SPMIP2: variants seen among roughly 807,000 people sequenced by gnomAD.
SPMIP2 encodes sperm microtubule inner protein 2.
At chr4:158,896,306 C>T in the SPMIP2 span, among the ~76,000 whole-genome samples, 3 of 152,120 alleles carry the variant, frequency 2.0e-5, no homozygotes, top group East Asian at 5.8e-4. Context: ...AGGAGCCTGC[C>T]TGCGTGTCTG....
chr4:159,073,686 T>C, the SPMIP2 span, among the ~76,000 whole-genome samples: 1 of 152,130 alleles, frequency 6.6e-6, no homozygotes, highest in Non-Finnish European at 1.5e-5. Context: ...ACTAGAAATA[T>C]GTCCAAAATA....
At chr4:158,968,878 C>A in the SPMIP2 span, among the ~76,000 whole-genome samples, 2 of 152,230 alleles carry the variant, frequency 1.3e-5, no homozygotes, top group South Asian at 2.1e-4. Flanking sequence ...AAAACCGTCA[C>A]AAAGAAGCTC....
chr4:159,076,353 A>G, the SPMIP2 span, among the ~76,000 whole-genome samples: 1 of 152,316 alleles, frequency 6.6e-6, no homozygotes, highest in Non-Finnish European at 1.5e-5. Context: ...AGCAAGCTAT[A>G]ATTAATTTCA....
chr4:159,006,992 G>A, the SPMIP2 span: 1 of 390,942 alleles, frequency 2.6e-6, no homozygotes, highest in Non-Finnish European at 4.9e-6. Context: ...TCCCTAGAAT[G>A]CCAGTGTTGT....
chr4:158,894,739 G>A, the SPMIP2 span, among the ~76,000 whole-genome samples: 1 of 152,110 alleles, frequency 6.6e-6, no homozygotes, highest in Non-Finnish European at 1.5e-5. Flanking sequence ...ATTTCCATGA[G>A]AATTGGTGAA....
the SPMIP2 span, among the ~76,000 whole-genome samples, chr4:158,951,503 GCTC>G: frequency 2.6e-5 from 4 of 152,180 alleles, no homozygotes; most frequent in African/African-American, 7.2e-5. Flanking sequence ...TCTATATGCA[GCTC>G]CTCATTAAGC....
chr4:159,032,524 T>C, the SPMIP2 span, among the ~76,000 whole-genome samples: 1 of 152,166 alleles, frequency 6.6e-6, no homozygotes, highest in Non-Finnish European at 1.5e-5. Context: ...TTGAACTATG[T>C]AAATACATAA....
the SPMIP2 span, among the ~76,000 whole-genome samples, chr4:158,982,582 C>T: frequency 6.6e-6 from 1 of 152,156 alleles, no homozygotes; most frequent in Non-Finnish European, 1.5e-5. Flanking sequence ...CTCAAAACCG[C>T]ACAACTACCT....
the SPMIP2 span, among the ~76,000 whole-genome samples, chr4:158,929,961 C>G: frequency 6.6e-6 from 1 of 152,102 alleles, no homozygotes; most frequent in African/African-American, 2.4e-5. Context: ...TCTTGCAGGG[C>G]AGGTCTGCTA....
At chr4:159,080,588 T>C in the SPMIP2 span, among the ~76,000 whole-genome samples, 3 of 152,194 alleles carry the variant, frequency 2.0e-5, no homozygotes, top group South Asian at 2.1e-4. Context: ...AAAGCAGCGA[T>C]TCCCCATTAT....
At chr4:158,939,875 A>C in the SPMIP2 span, among the ~76,000 whole-genome samples, 5 of 152,170 alleles carry the variant, frequency 3.3e-5, no homozygotes, top group African/African-American at 1.2e-4. Flanking sequence ...TATTCTATAA[A>C]ATTTTTCACA....
At chr4:158,949,266 A>G in the SPMIP2 span, among the ~76,000 whole-genome samples, 3 of 152,180 alleles carry the variant, frequency 2.0e-5, no homozygotes, top group South Asian at 2.1e-4. Context: ...AGTTTATCCT[A>G]TTGTCCTGGT....
At chr4:158,971,499 A>G in the SPMIP2 span, among the ~76,000 whole-genome samples, 1 of 152,200 alleles carries the variant, frequency 6.6e-6, no homozygotes, top group Non-Finnish European at 1.5e-5. Context: ...GCATTTAAAC[A>G]TATTACAATA....
chr4:158,989,400 CA>C, the SPMIP2 span, among the ~76,000 whole-genome samples: 1 of 151,888 alleles, frequency 6.6e-6, no homozygotes, highest in Non-Finnish European at 1.5e-5. Flanking sequence ...CATATGAAAC[CA>C]AAAAAGAGCC....
At chr4:159,035,224 G>T in the SPMIP2 span, 521 of 690,194 alleles carry the variant, frequency 7.5e-4, no homozygotes, top group South Asian at 1.9e-3. Flanking sequence ...CCAGGTGGTT[G>T]CTAATGACTC....
the SPMIP2 span, among the ~76,000 whole-genome samples, chr4:159,048,502 A>C: frequency 6.6e-6 from 1 of 152,114 alleles, no homozygotes; most frequent in Non-Finnish European, 1.5e-5. Flanking sequence ...CAGCCTTTCC[A>C]TAGGCATTTC....
chr4:158,943,550 T>G, the SPMIP2 span, among the ~76,000 whole-genome samples: 9 of 152,176 alleles, frequency 5.9e-5, no homozygotes, highest in African/African-American at 1.7e-4. Flanking sequence ...ACAGTAAAAT[T>G]TGTTATATAT....
the SPMIP2 span, among the ~76,000 whole-genome samples, chr4:158,970,685 C>A: frequency 6.6e-6 from 1 of 152,002 alleles, no homozygotes; most frequent in Admixed American, 6.6e-5. Context: ...TGCTTCAGTG[C>A]TGGTATGTGT....
the SPMIP2 span, among the ~76,000 whole-genome samples, chr4:158,968,393 T>C: frequency 4.6e-5 from 7 of 152,204 alleles, no homozygotes; most frequent in Non-Finnish European, 8.8e-5. Context: ...AGTGGGATGC[T>C]AGGAGACAAT....
Sources: allele counts gnomAD v4.1 joint callset (sites outside exome capture counted in the v4.1 genomes callset), GRCh38; gene constraint gnomAD v4.1.1; transcripts MANE v1.5; gene names NCBI Gene and HGNC (gene_info 2026-07-23, HGNC 2026-07-21).